The following PRKN variants were observed in gnomAD, a reference collection of about 807,000 sequenced individuals.
The protein encoded by PRKN is parkin RBR E3 ubiquitin protein ligase.
PRKN carries 56 observed loss-of-function variants against 59.5 expected under a neutral mutation model. That is an observed-to-expected ratio of 0.94 (90% confidence interval 0.76 to 1.18). PRKN has a LOEUF of 1.18. PRKN is among the 50% of genes most tolerant of loss of function. The pLI is 0.00. For synonymous variants in PRKN, 250 were observed against 222.1 expected (o/e 1.13, Z -1.12); for missense variants, 657 against 596.4 (o/e 1.10, Z -1.06).
At chr6:162,083,692 A>G (rs983735019) in intron 4 of PRKN, among the ~76,000 whole-genome samples, 1 of 128,492 alleles carries the variant, frequency 7.8e-6, no homozygotes, top group African/African-American at 3.1e-5. Context: ...TTAGGAATTA[A>G]AAATAGTCAC....
At chr6:161,705,431 AT>A (rs1786446020) in intron 7 of PRKN, among the ~76,000 whole-genome samples, 1 of 152,206 alleles carries the variant, frequency 6.6e-6, no homozygotes, top group Non-Finnish European at 1.5e-5. Flanking sequence ...TACTTGAAGT[AT>A]GGTTTCAACC....
chr6:162,489,091 C>CTTCT (rs1421781520), intron 1 of PRKN, among the ~76,000 whole-genome samples: 1 of 151,934 alleles, frequency 6.6e-6, no homozygotes, highest in Non-Finnish European at 1.5e-5. Context: ...TCCTTCCTTC[C>CTTCT]TTCCTTCCTC....
intron 1 of PRKN, among the ~76,000 whole-genome samples, chr6:162,510,384 T>C (rs1299361205): frequency 6.6e-6 from 1 of 152,194 alleles, no homozygotes; most frequent in Non-Finnish European, 1.5e-5. Flanking sequence ...GGCAGGTGCT[T>C]TCTCACGTGT....
Position 161,908,092 on chromosome 6 carries a change from G to A in PRKN, c.734+65210C>T, listed in dbSNP as rs532130310. ...GACTCCATCTCAAACTAACAACAAC[G>A]ACAACAACAACAACAACAACAAAGA... On this transcript the variant is annotated intron_variant, in intron 6 of 11. Coordinates refer to ENST00000366898, the MANE Select transcript of PRKN (RefSeq NM_004562.3). Among the ~76,000 whole-genome samples the A allele has an allele frequency of 7.9e-5, 12 of 151,620 alleles. No individual in the cohort carries two copies. In the East Asian group the frequency reaches 1.8e-3, roughly 22 times the overall value.
intron 7 of PRKN, among the ~76,000 whole-genome samples, chr6:161,771,394 A>AT (rs1277686643): frequency 6.8e-6 from 1 of 146,246 alleles, no homozygotes; most frequent in African/African-American, 2.7e-5. Context: ...AAATAAAATA[A>AT]AATAAAAGCA....
chr6:161,658,566 C>T (rs1238749260), intron 7 of PRKN, among the ~76,000 whole-genome samples: 2 of 152,182 alleles, frequency 1.3e-5, no homozygotes, highest in African/African-American at 4.8e-5. Flanking sequence ...TTTTTAATTA[C>T]TATGGGTACA....
At chr6:161,631,772 A>AACACACACACACAC (rs147449873) in intron 7 of PRKN, among the ~76,000 whole-genome samples, 34 of 150,470 alleles carry the variant, frequency 2.3e-4, no homozygotes, top group African/African-American at 7.6e-4. Context: ...CACCCAGACA[A>AACACACACACACAC]ACACACACAC....
At chr6:162,180,928 TC>T (rs1273839209) in intron 4 of PRKN, among the ~76,000 whole-genome samples, 1 of 152,164 alleles carries the variant, frequency 6.6e-6, no homozygotes, top group Non-Finnish European at 1.5e-5. Context: ...AAAGAGGACA[TC>T]AGGGAACAGG....
chr6:162,685,797 T>C (rs1214661875), intron 1 of PRKN, among the ~76,000 whole-genome samples: 1 of 152,300 alleles, frequency 6.6e-6, no homozygotes, highest in East Asian at 1.9e-4. Flanking sequence ...GAGCTGAGTA[T>C]TTTTGGCCAG....
intron 1 of PRKN, among the ~76,000 whole-genome samples, chr6:162,619,132 C>A (rs373422610): frequency 2.2e-5 from 3 of 139,476 alleles, no homozygotes; most frequent in South Asian, 4.5e-4. Context: ...CATATCTAAT[C>A]CAGTATTTTT....
intron 2 of PRKN, among the ~76,000 whole-genome samples, chr6:162,398,499 T>C (rs576314642): frequency 4.4e-4 from 67 of 152,194 alleles, no homozygotes; most frequent in African/African-American, 1.2e-3. Context: ...CAAGCGATTC[T>C]CCTGCCTCAG....
At chr6:161,577,311 A>G (rs1211104713) in intron 7 of PRKN, among the ~76,000 whole-genome samples, 2 of 152,248 alleles carry the variant, frequency 1.3e-5, no homozygotes, top group East Asian at 1.9e-4. Context: ...TAGTGTGTAC[A>G]TGGACATTGA....
intron 7 of PRKN, among the ~76,000 whole-genome samples, chr6:161,733,840 C>T (rs1251810176): frequency 2.2e-5 from 3 of 138,284 alleles, no homozygotes; most frequent in African/African-American, 8.3e-5. Context: ...AAGTGAATGA[C>T]ACAGAATGTG....
chr6:162,621,975 T>C (rs1782687207), intron 1 of PRKN, among the ~76,000 whole-genome samples: 1 of 151,956 alleles, frequency 6.6e-6, no homozygotes, highest in Non-Finnish European at 1.5e-5. Context: ...CCACCACGCC[T>C]AGCTAATTGT....
At position 161,488,318 on chromosome 6, in the gene PRKN, G is replaced by A. The variant is rs1243768269; in HGVS notation, c.1083+60536C>T. Among the ~76,000 whole-genome samples, 2 of 152,128 alleles carry A rather than the reference G, an allele frequency of 1.3e-5. No homozygotes were observed. The highest frequency in any genetic ancestry group is 4.8e-5 in the African/African-American group (2 of 41,428). ...AACAAGGGGAAAGTGATCGGGCCGAGGACAGAAGGCCAGGTCACATAGGTC... is the reference window on the plus strand; with the variant it reads ...AACAAGGGGAAAGTGATCGGGCCGAAGACAGAAGGCCAGGTCACATAGGTC... On this transcript the variant is annotated intron_variant, in intron 9 of 11. Coordinates refer to ENST00000366898, the MANE Select transcript of PRKN (RefSeq NM_004562.3). This position sits in a 1 kb window ranked among gnomAD's most constrained non-coding sequence, Gnocchi z 4.5.
At position 162,381,629 on chromosome 6, in the gene PRKN, T is replaced by C. The variant is rs181502475; in HGVS notation, c.171+61681A>G. On this transcript the variant is annotated intron_variant, in intron 2 of 11. Transcript: ENST00000366898. The stretch of plus-strand genomic sequence containing the variant: ...TAAACACCACAATACTCTCAAAAGA[T>C]GAGACTATCTCTGGTAAATGCTATA... Among the ~76,000 whole-genome samples, 555 of 152,348 alleles carry C rather than the reference T, an allele frequency of 3.6e-3. 7 individuals are homozygous for C. Among genetic ancestry groups the C allele is most frequent in the African/African-American group, 0.013 (535 of 41,578 alleles).
At chr6:161,952,207 C>T (rs150205004) in intron 6 of PRKN, among the ~76,000 whole-genome samples, 51 of 152,132 alleles carry the variant, frequency 3.4e-4, no homozygotes, top group African/African-American at 1.2e-3. Flanking sequence ...CAGAACATGA[C>T]AAAATTAACT....
At chr6:162,700,496 T>C (rs762827306) in intron 1 of PRKN, among the ~76,000 whole-genome samples, 3 of 152,148 alleles carry the variant, frequency 2.0e-5, no homozygotes, top group Non-Finnish European at 4.4e-5. Flanking sequence ...CACCCACTTC[T>C]TAGTTGGCCT....
At chr6:162,645,534 A>C (rs1778136497) in intron 1 of PRKN, among the ~76,000 whole-genome samples, 1 of 152,140 alleles carries the variant, frequency 6.6e-6, no homozygotes, top group African/African-American at 2.4e-5. Context: ...GGGATTCCTT[A>C]ATTATTTCTC....
Sources: gnomAD v4.1 joint callset for allele counts (sites outside exome capture counted in the v4.1 genomes callset) on GRCh38, gnomAD v4.1.1 for gene constraint, Gnocchi (gnomAD v3.1) non-coding constraint, MANE v1.5 for transcripts, NCBI Gene and HGNC (gene_info 2026-07-23, HGNC 2026-07-21) for gene names.